ADORA2A: variants seen among roughly 807,000 people sequenced by gnomAD.
ADORA2A encodes the protein adenosine A2a receptor.
A neutral mutation model predicts 18.4 loss-of-function variants in ADORA2A; 11 were observed. The ratio of observed to expected loss-of-function variants is 0.60; its 90% CI spans 0.38 to 0.99. ADORA2A has a LOEUF of 0.99. Ranked by LOEUF, ADORA2A falls within the 50% of genes least tolerant of loss-of-function variation. ADORA2A has a pLI of 0.01. For missense variants in ADORA2A, 449 were observed against 556.1 expected, an observed-to-expected ratio of 0.81 and a Z score of 1.94; for synonymous variants, 218 against 237.3, an observed-to-expected ratio of 0.92 and a Z score of 0.75.
In ADORA2A at chr22:24,441,774, G is replaced by A. The variant is rs200767091; in HGVS notation, c.*285G>A. On this transcript the variant is annotated 3_prime_UTR_variant, in exon 3 of 3. Coordinates refer to ENST00000337539, the MANE Select transcript of ADORA2A (RefSeq NM_000675.6). The stretch of plus-strand genomic sequence containing the variant: ...GGGCAGGGCCCAGCCCTCCACTGCA[G>A]AAGCATCTGGAAGCACCACCTTGTC... 5.3e-5 allele frequency: 16 copies of A among 300,418 alleles called. No individual in the cohort carries two copies. Among genetic ancestry groups the A allele is most frequent in the Admixed American group, 1.8e-4 (4 of 22,058 alleles). The allele number at this position is 300,418 out of a possible 1,614,324, so 18.6% of individuals were successfully genotyped here. A position where few individuals can be genotyped will look rare whatever the true frequency, so the allele number is the denominator to read the frequency against.
upstream of ADORA2A, among the ~76,000 whole-genome samples, chr22:24,425,672 A>G (rs2042910836): frequency 6.6e-6 from 1 of 152,168 alleles, no homozygotes; most frequent in Admixed American, 6.5e-5. Context: ...TTCCCATATC[A>G]GTCTGTGAAT....
upstream of ADORA2A, among the ~76,000 whole-genome samples, chr22:24,427,121 G>A (rs1261452476): frequency 6.6e-6 from 1 of 152,198 alleles, no homozygotes; most frequent in Non-Finnish European, 1.5e-5. Context: ...ATCTGGGCAG[G>A]AGACTTCTCC....
intron 2 of ADORA2A, among the ~76,000 whole-genome samples, chr22:24,435,483 T>C (rs2043151324): frequency 2.0e-5 from 3 of 152,174 alleles, no homozygotes; most frequent in Admixed American, 2.0e-4. Context: ...GGAGCTCGAC[T>C]TTTTTTCTCT....
intron 2 of ADORA2A, among the ~76,000 whole-genome samples, chr22:24,440,178 C>T (rs1049621574): frequency 2.0e-5 from 3 of 152,216 alleles, no homozygotes; most frequent in Non-Finnish European, 2.9e-5. Context: ...TTGGTTAAGG[C>T]TGCGACCAAC....
In ADORA2A at chr22:24,431,237, C is replaced by T. The variant is rs188266859; in HGVS notation, c.-274-1894C>T. 94 of 456,754 alleles carry T rather than the reference C, an allele frequency of 2.1e-4. 1 individual carries two copies. The highest frequency in any genetic ancestry group is 8.1e-4 in the South Asian group (52 of 64,562). The allele number at this position is 456,754 out of a possible 1,614,324, so 28.3% of individuals were successfully genotyped here. ...CCCTCTCCAGCTGCTGCAGGCCCTC[C>T]GTTGCTGCAGGGTTTCTGGCTCTGC... On this transcript the variant is annotated intron_variant, in intron 1 of 2. Coordinates refer to ENST00000337539, the MANE Select transcript of ADORA2A (RefSeq NM_000675.6).
chr22:24,435,856 G>A (rs538985767), intron 2 of ADORA2A, among the ~76,000 whole-genome samples: 3 of 152,294 alleles, frequency 2.0e-5, no homozygotes, highest in African/African-American at 7.2e-5. Flanking sequence ...TCTGCTCCAT[G>A]AGGCTCTGCA....
chr22:24,435,894 G>A (rs1175682687), intron 2 of ADORA2A, among the ~76,000 whole-genome samples: 1 of 151,692 alleles, frequency 6.6e-6, no homozygotes, highest in Non-Finnish European at 1.5e-5. Flanking sequence ...TTCTGCAGGG[G>A]GCCCTGGAGA....
At position 24,442,297 on chromosome 22, in the gene ADORA2A, ATGTT is replaced by A. The variant is rs1300377962; in HGVS notation, c.*810_*813del. 1 of 152,788 alleles carries A rather than the reference ATGTT, an allele frequency of 6.5e-6. No individual in the cohort carries two copies. The highest frequency in any genetic ancestry group is 1.5e-5 in the Non-Finnish European group (1 of 68,032). 9.5% of individuals were successfully genotyped at this position (152,788 alleles called of 1,614,324 possible). Reference sequence around the variant, plus strand: ...CTAACTGCCTTTCCTTCTAAAGGGAATGTTTTTTTCTGAGATAAAATAAAAACGA... The same window carrying A: ...CTAACTGCCTTTCCTTCTAAAGGGAATTTTTCTGAGATAAAATAAAAACGA... On this transcript the variant is annotated 3_prime_UTR_variant, in exon 3 of 3. Coordinates refer to ENST00000337539, the MANE Select transcript of ADORA2A (RefSeq NM_000675.6).
rs1035017983 is a variant in ADORA2A, at chr22:24,440,477, C to T, written c.333-106C>T. 4.3e-5 allele frequency: 50 copies of T among 1,168,398 alleles called. No homozygotes were observed. In the East Asian group the frequency reaches 1.1e-3, roughly 26 times the overall value. The allele number at this position is 1,168,398 out of a possible 1,614,324, so 72.4% of individuals were successfully genotyped here. A position where few individuals can be genotyped will look rare whatever the true frequency, so the allele number is the denominator to read the frequency against. On this transcript the variant is annotated intron_variant, in intron 2 of 2. Coordinates refer to ENST00000337539, the MANE Select transcript of ADORA2A (RefSeq NM_000675.6). ...TGGCAGGAAATGACTGGTCCAAGAC[C>T]TTACAGTCAGGAAATGTGGAAACGG...
At chr22:24,431,483 G>A in intron 1 of ADORA2A, 1 of 456,842 alleles carries the variant, frequency 2.2e-6, no homozygotes. Context: ...GGGTAGAGGG[G>A]AGCCTGGCCC....
intron 2 of ADORA2A, among the ~76,000 whole-genome samples, chr22:24,440,381 A>G (rs1427958995): frequency 1.3e-5 from 2 of 152,116 alleles, no homozygotes; most frequent in East Asian, 3.8e-4. Context: ...CTCTCCTGTT[A>G]CCTCCCAGAA....
chr22:24,432,675 G>C (rs997905971), intron 1 of ADORA2A: 1 of 152,712 alleles, frequency 6.5e-6, no homozygotes, highest in African/African-American at 2.4e-5. Flanking sequence ...GGGAGGCACC[G>C]TGACAACAAT....
upstream of ADORA2A, among the ~76,000 whole-genome samples, chr22:24,426,534 C>G (rs2042920596): frequency 6.6e-6 from 1 of 152,076 alleles, no homozygotes; most frequent in African/African-American, 2.4e-5. Context: ...CCAGAGGTTG[C>G]AAGGAGCAGA....
chr22:24,441,394 G>C lies in ADORA2A; in HGVS notation c.1144G>C (p.Asp382His). The change falls in exon 3 of 3, where the codon GAC becomes CAC. Residue 382 changes from aspartate (D) to histidine (H), a missense_variant. Transcript: ENST00000337539. ...QESQGNTGLP[D>H]VELLSHELKG... is the part of the protein sequence containing the mutation. Reference sequence around the variant, plus strand: ...GTCCCAGGGGAACACGGGCCTCCCAGACGTGGAGCTCCTTAGCCATGAGCT... The same window carrying C: ...GTCCCAGGGGAACACGGGCCTCCCACACGTGGAGCTCCTTAGCCATGAGCT... 6.4e-7 allele frequency: 1 copy of C among 1,564,930 alleles called. No homozygotes were observed. The highest frequency in any genetic ancestry group is 8.6e-7 in the Non-Finnish European group (1 of 1,156,636).
upstream of ADORA2A, chr22:24,423,873 C>T (rs531739293): frequency 1.5e-4 from 23 of 152,182 alleles, no homozygotes; most frequent in African/African-American, 5.5e-4. Context: ...TCAAAGCTGC[C>T]TGCAGGGGGC....
intron 1 of ADORA2A, chr22:24,431,156 T>C: frequency 2.2e-6 from 1 of 456,776 alleles, no homozygotes; most frequent in Non-Finnish European, 4.4e-6. Context: ...CGACACACTT[T>C]GTGAATGGCT....
chr22:24,429,416 G>T (rs1222915664), intron 1 of ADORA2A: 1 of 152,276 alleles, frequency 6.6e-6, no homozygotes, highest in Admixed American at 6.5e-5. Flanking sequence ...TAATCACAGA[G>T]AAGTATTACA....
chr22:24,426,862 C>A (rs2042924175), upstream of ADORA2A, among the ~76,000 whole-genome samples: 1 of 152,182 alleles, frequency 6.6e-6, no homozygotes, highest in Non-Finnish European at 1.5e-5. Flanking sequence ...ACCTTCTCCT[C>A]CAAGTCTCAC....
chr22:24,425,343 C>T (rs928850475), upstream of ADORA2A, among the ~76,000 whole-genome samples: 5 of 127,598 alleles, frequency 3.9e-5, no homozygotes, highest in Admixed American at 2.2e-4. Flanking sequence ...CAGCACCCCC[C>T]CCCCCCCCGC....
Sources: gnomAD v4.1 joint callset for allele counts (sites outside exome capture counted in the v4.1 genomes callset) on GRCh38, gnomAD v4.1.1 for gene constraint, MANE v1.5 for transcripts, NCBI Gene and HGNC (gene_info 2026-07-23, HGNC 2026-07-21) for gene names.